Variants in FSIP1 observed in about 807,000 individuals in gnomAD.
FSIP1 encodes fibrous sheath-interacting protein 1.
In FSIP1, 65 loss-of-function variants were observed where a neutral mutation model predicts 60.9. That is an observed-to-expected ratio of 1.07 (90% CI 0.87 to 1.31). The LOEUF is 1.31. Ranked by LOEUF, FSIP1 falls within the 40% of genes most tolerant of loss-of-function variation. The probability of loss-of-function intolerance (pLI) is 0.00; values close to 1 mark genes in which losing one functional copy is unlikely to be tolerated. For synonymous variants in FSIP1, 209 were observed against 221.2 expected (o/e 0.94, Z 0.49); for missense variants, 675 against 665.5 (o/e 1.01, Z -0.16).
chr15:39,780,496 G>A (rs947015605), intron 1 of FSIP1, among the ~76,000 whole-genome samples: 1 of 152,074 alleles, frequency 6.6e-6, no homozygotes, highest in African/African-American at 2.4e-5. Context: ...CTCCGGCCTG[G>A]GCAACAGAGC....
In FSIP1 at chr15:39,716,216, C is replaced by T. The variant is rs564059724; in HGVS notation, c.1051-2635G>A. Among the ~76,000 whole-genome samples, 3 of 152,248 alleles carry T rather than the reference C, an allele frequency of 2.0e-5. No homozygotes were observed. In the South Asian group the frequency reaches 6.2e-4, roughly 32 times the overall value. On this transcript the variant is annotated intron_variant, in intron 9 of 11. Coordinates refer to ENST00000350221, the MANE Select transcript of FSIP1 (RefSeq NM_152597.5). The stretch of plus-strand genomic sequence containing the variant: ...ATAAACTTTCATGAAGATACACCAG[C>T]TATGAAGTAGGACACATGGTAATCT...
intron 11 of FSIP1, among the ~76,000 whole-genome samples, chr15:39,614,322 T>C (rs752250528): frequency 2.2e-4 from 34 of 152,012 alleles, no homozygotes; most frequent in Non-Finnish European, 3.5e-4. Context: ...AACAATCCCA[T>C]TAACAATTGT....
Position 39,767,165 on chromosome 15 carries a change from G to C in FSIP1, c.311-1419C>G, listed in dbSNP as rs367807692. Among the ~76,000 whole-genome samples, 7 of 151,972 alleles carry C rather than the reference G, an allele frequency of 4.6e-5. No homozygotes were observed. The East Asian group carries it at 7.7e-4, about 17-fold the overall frequency. On this transcript the variant is annotated intron_variant, in intron 3 of 11. Coordinates refer to ENST00000350221, the MANE Select transcript of FSIP1 (RefSeq NM_152597.5). ...CTCTCAATTCCATCATTTCCTCTTA[G>C]AGGAAAAAAAGAAAGAGGAAAGCAA...
rs754105520 is a variant in FSIP1, at chr15:39,765,585, T to C, written c.465+7A>G. 6.4e-7 allele frequency: 1 copy of C among 1,569,784 alleles called. No homozygotes were observed. Among genetic ancestry groups the C allele is most frequent in the Non-Finnish European group, 8.6e-7 (1 of 1,160,904 alleles). ...TACATGTCAGCATAAGGTTAGATAA[T>C]TCTTACCTTAATTTCTTCCCACAGC... On this transcript the variant is annotated splice_region_variant and intron_variant, in intron 4 of 11. Transcript: ENST00000350221.
intron 8 of FSIP1, among the ~76,000 whole-genome samples, chr15:39,731,632 T>C (rs1409522252): frequency 1.3e-5 from 2 of 152,224 alleles, no homozygotes; most frequent in Non-Finnish European, 2.9e-5. Context: ...CATCATTTTT[T>C]TCTATCTGTC....
chr15:39,691,423 A>G (rs1039184129), intron 10 of FSIP1, among the ~76,000 whole-genome samples: 1 of 152,214 alleles, frequency 6.6e-6, no homozygotes, highest in Non-Finnish European at 1.5e-5. Context: ...GCAGTGTGCC[A>G]GCAAGCACCA....
At chr15:39,757,190 T>C (rs1299215213) in intron 5 of FSIP1, among the ~76,000 whole-genome samples, 1 of 152,114 alleles carries the variant, frequency 6.6e-6, no homozygotes, top group Non-Finnish European at 1.5e-5. Flanking sequence ...TTTAGAAATG[T>C]ATGGCTATAT....
intron 5 of FSIP1, among the ~76,000 whole-genome samples, chr15:39,746,986 T>C (rs940985047): frequency 1.3e-5 from 2 of 151,840 alleles, no homozygotes; most frequent in African/African-American, 2.4e-5. Flanking sequence ...ACCCTAATGG[T>C]TTTCCTGTTT....
chr15:39,776,158 GGGAGGAGCA>G (rs1898049382), intron 2 of FSIP1, among the ~76,000 whole-genome samples: 1 of 125,766 alleles, frequency 8.0e-6, no homozygotes, highest in Non-Finnish European at 1.7e-5. Flanking sequence ...GCAGAGGGAG[GGGAGGAGCA>G]GAGGGAGGGG....
At chr15:39,657,036 A>ATAGCCAGCTTT (rs1347986313) in intron 10 of FSIP1, among the ~76,000 whole-genome samples, 7 of 152,184 alleles carry the variant, frequency 4.6e-5, no homozygotes, top group African/African-American at 1.7e-4. Context: ...CTAAAACAGC[A>ATAGCCAGCTTT]CCTTCTTTGG....
intron 10 of FSIP1, among the ~76,000 whole-genome samples, chr15:39,649,370 T>C (rs747485223): frequency 6.6e-6 from 1 of 152,174 alleles, no homozygotes; most frequent in Non-Finnish European, 1.5e-5. Context: ...CACTATAAGT[T>C]TCCGAGTAGA....
At chr15:39,761,486 T>C (rs1413579870) in intron 5 of FSIP1, among the ~76,000 whole-genome samples, 2 of 152,172 alleles carry the variant, frequency 1.3e-5, no homozygotes, top group Non-Finnish European at 2.9e-5. Context: ...AGACAAATAC[T>C]ACATGTTCCC....
intron 10 of FSIP1, among the ~76,000 whole-genome samples, chr15:39,631,130 G>A (rs1259567869): frequency 6.6e-6 from 1 of 152,156 alleles, no homozygotes; most frequent in Admixed American, 6.5e-5. Flanking sequence ...TGCACACATG[G>A]CAAAGCTTTG....
chr15:39,740,910 G>C (rs1414353395), intron 6 of FSIP1, among the ~76,000 whole-genome samples: 4 of 152,064 alleles, frequency 2.6e-5, no homozygotes, highest in Admixed American at 1.3e-4. Flanking sequence ...AAGTTATTAA[G>C]TTATATAAGC....
intron 10 of FSIP1, among the ~76,000 whole-genome samples, chr15:39,674,333 C>T (rs949404003): frequency 1.3e-5 from 2 of 152,154 alleles, no homozygotes; most frequent in Admixed American, 6.5e-5. Context: ...GGATTACAGG[C>T]GTGAGCCACT....
At chr15:39,628,953 G>A (rs568844869) in intron 10 of FSIP1, among the ~76,000 whole-genome samples, 1 of 152,178 alleles carries the variant, frequency 6.6e-6, no homozygotes, top group East Asian at 1.9e-4. Flanking sequence ...TGATGCAGAC[G>A]AGGCAGGAGC....
At chr15:39,656,544 G>T (rs955229318) in intron 10 of FSIP1, among the ~76,000 whole-genome samples, 8 of 152,136 alleles carry the variant, frequency 5.3e-5, no homozygotes, top group African/African-American at 1.7e-4. Flanking sequence ...CCACTTACTA[G>T]CTGGAGACTT....
intron 10 of FSIP1, among the ~76,000 whole-genome samples, chr15:39,625,677 A>C (rs1422390630): frequency 1.3e-5 from 2 of 152,058 alleles, no homozygotes; most frequent in Non-Finnish European, 2.9e-5. Context: ...TCCCGAAACA[A>C]GTCTGGGGCC....
chr15:39,673,610 C>T (rs1352879564), intron 10 of FSIP1, among the ~76,000 whole-genome samples: 1 of 152,226 alleles, frequency 6.6e-6, no homozygotes, highest in Non-Finnish European at 1.5e-5. Flanking sequence ...GCCATTGAGC[C>T]TGGCTCGTAA....
Sources: gnomAD v4.1 joint callset for allele counts (sites outside exome capture counted in the v4.1 genomes callset) on GRCh38, gnomAD v4.1.1 for gene constraint, MANE v1.5 for transcripts, NCBI Gene and HGNC (gene_info 2026-07-23, HGNC 2026-07-21) for gene names.